The following CSMD3 variants were observed in gnomAD, a reference collection of about 807,000 sequenced individuals.
The protein encoded by CSMD3 is CUB and Sushi multiple domains 3, also known as CUB and sushi domain-containing protein 3.
Under a neutral mutation model 435.2 loss-of-function variants are expected in CSMD3, and 177 were observed. The ratio of observed to expected loss-of-function variants is 0.41; its 90% CI spans 0.36 to 0.46. CSMD3 has a LOEUF of 0.46. Ranked by LOEUF, CSMD3 falls within the 20% of genes least tolerant of loss-of-function variation. CSMD3 has a pLI of 0.34. For synonymous variants in CSMD3, 1,656 were observed against 1,520.5 expected, an observed-to-expected ratio of 1.09 and a Z score of -2.07; for missense variants, 4,265 against 4,504.6, an observed-to-expected ratio of 0.95 and a Z score of 1.52.
chr8:113,193,871 T>C (rs993401292), intron 3 of CSMD3, among the ~76,000 whole-genome samples: 4 of 151,448 alleles, frequency 2.6e-5, no homozygotes, highest in Admixed American at 1.3e-4. Context: ...AATGTGTACA[T>C]AGACAATATT....
At chr8:112,736,066 T>C (rs2077179967) in intron 13 of CSMD3, among the ~76,000 whole-genome samples, 1 of 152,046 alleles carries the variant, frequency 6.6e-6, no homozygotes, top group African/African-American at 2.4e-5. Flanking sequence ...GCCTAGTTCA[T>C]GTTTGGATGC....
At chr8:112,307,992 A>G (rs745631710) in intron 50 of CSMD3, among the ~76,000 whole-genome samples, 3 of 152,178 alleles carry the variant, frequency 2.0e-5, no homozygotes, top group Non-Finnish European at 4.4e-5. Flanking sequence ...ACCTTAGTGA[A>G]ATCTTTACAA....
chr8:113,398,869 A>G (rs1346421550), intron 1 of CSMD3, among the ~76,000 whole-genome samples: 2 of 151,754 alleles, frequency 1.3e-5, no homozygotes, highest in African/African-American at 2.4e-5. Context: ...CTTGGAAGCC[A>G]TGAAGAGTAA....
chr8:112,936,833 T>A (rs892737385), intron 9 of CSMD3, among the ~76,000 whole-genome samples: 2 of 152,176 alleles, frequency 1.3e-5, no homozygotes, highest in African/African-American at 4.8e-5. Flanking sequence ...TTGATCAAAA[T>A]TATTTCCTAA....
At chr8:112,685,288 T>A in intron 15 of CSMD3, 118 bp downstream of exon 15, 1 of 772,866 alleles carries the variant, frequency 1.3e-6, no homozygotes, top group Non-Finnish European at 2.1e-6. Flanking sequence ...ACAATGAGAT[T>A]TACAGCTTTT....
At chr8:112,399,464 C>T (rs1253097259) in intron 35 of CSMD3, among the ~76,000 whole-genome samples, 1 of 151,942 alleles carries the variant, frequency 6.6e-6, no homozygotes, top group Non-Finnish European at 1.5e-5. Context: ...TTCCCATTGG[C>T]CAGACTGGCT....
intron 3 of CSMD3, among the ~76,000 whole-genome samples, chr8:113,192,201 T>C (rs1249635092): frequency 1.3e-5 from 2 of 151,746 alleles, no homozygotes; most frequent in Non-Finnish European, 2.9e-5. Flanking sequence ...CAAGGCCCTG[T>C]GCTAATGTTG....
intron 5 of CSMD3, among the ~76,000 whole-genome samples, chr8:113,060,649 C>G (rs1469556099): frequency 6.6e-6 from 1 of 152,052 alleles, no homozygotes; most frequent in East Asian, 1.9e-4. Context: ...ATAAGACATA[C>G]TCTATTTTAC....
rs1157272687 is a variant in CSMD3, at chr8:113,314,787, A to G, written c.185T>C (p.Ile62Thr). Residue 62 changes from isoleucine (I) to threonine (T), a missense_variant, in exon 2 of 71, where the codon ATT becomes ACT. This residue lies in a region of CSMD3 where 731 missense variants were observed against 755.4 expected (regional missense o/e 0.97). Transcript: ENST00000297405. ...LLTVSCVKGF[I>T]YTCGGTLKGL... ...TTTTAAAGTTCCACCACATGTATAA[A>G]TAAATCCTGCAACAAAAGACAATAA... is the stretch of plus-strand genomic sequence containing the variant. 2 of 1,591,584 alleles carry G rather than the reference A, an allele frequency of 1.3e-6. No homozygotes were observed. Among genetic ancestry groups the G allele is most frequent in the South Asian group, 1.1e-5 (1 of 90,642 alleles).
chr8:113,224,797 T>A (rs2093008166), intron 3 of CSMD3, among the ~76,000 whole-genome samples: 1 of 103,280 alleles, frequency 9.7e-6, no homozygotes, highest in Admixed American at 9.4e-5. Flanking sequence ...TTGTGTAAAT[T>A]TTTTTTTTTA....
chr8:113,335,565 G>GTTT (rs1263100966), intron 1 of CSMD3, among the ~76,000 whole-genome samples: 2 of 98,122 alleles, frequency 2.0e-5, no homozygotes, highest in African/African-American at 4.5e-5. Context: ...TTTTTTTTGG[G>GTTT]TATTTACATG....
intron 13 of CSMD3, among the ~76,000 whole-genome samples, chr8:112,745,496 T>C (rs1228642936): frequency 1.3e-5 from 2 of 152,082 alleles, no homozygotes; most frequent in Non-Finnish European, 2.9e-5. Flanking sequence ...TTGGCTATGC[T>C]TTCTGTAAAA....
chr8:113,404,952 ATAAT>A (rs887903541), intron 1 of CSMD3, among the ~76,000 whole-genome samples: 1 of 151,572 alleles, frequency 6.6e-6, no homozygotes, highest in Non-Finnish European at 1.5e-5. Context: ...TCGTAGTTAT[ATAAT>A]TAAAACAAAA....
At chr8:112,379,549 T>A (rs138784995) in intron 38 of CSMD3, among the ~76,000 whole-genome samples, 233 of 152,078 alleles carry the variant, frequency 1.5e-3, no homozygotes, top group African/African-American at 5.2e-3. Flanking sequence ...TAGAAATACA[T>A]CCCATTTTAT....
At chr8:112,383,885 T>C (rs919981769) in intron 36 of CSMD3, among the ~76,000 whole-genome samples, 2 of 152,162 alleles carry the variant, frequency 1.3e-5, no homozygotes, top group Non-Finnish European at 2.9e-5. Context: ...CCAATGTTCA[T>C]TGTGGGTATA....
intron 27 of CSMD3, among the ~76,000 whole-genome samples, chr8:112,548,386 C>T (rs955899500): frequency 4.6e-5 from 7 of 152,022 alleles, no homozygotes; most frequent in Non-Finnish European, 1.0e-4. Context: ...GCTTTCTATT[C>T]CCCCTGGCAT....
intron 27 of CSMD3, among the ~76,000 whole-genome samples, chr8:112,527,165 T>G (rs1480224922): frequency 6.6e-6 from 1 of 151,496 alleles, no homozygotes; most frequent in Non-Finnish European, 1.5e-5. Context: ...GGGAGAGAGA[T>G]TTTCAAACAA....
At position 112,306,051 on chromosome 8, in the gene CSMD3, G is replaced by A. The variant is rs2130786733; in HGVS notation, c.8027C>T (p.Ser2676Leu). Residue 2676 changes from serine (S) to leucine (L), a missense_variant, in exon 51 of 71, where the codon TCA (serine) becomes TTA (leucine). Ser to Leu is a moderately radical substitution (Grantham distance 145). Around this residue, in one of 3 missense-constraint regions of CSMD3, gnomAD observed 3,255 missense variants for 3,380.2 expected, o/e 0.96. Transcript: ENST00000297405. ...GTTATGATTGCTCCATGTTCCATCT[G>A]ATTGGCATACAGCTGTAGTGAGTTC... ...SKELTTAVCQ[S>L]DGTWSNHNKT... The A allele has an allele frequency of 6.2e-7, 1 of 1,613,788 alleles. No homozygotes were observed. Among genetic ancestry groups the A allele is most frequent in the Non-Finnish European group, 8.5e-7 (1 of 1,179,816 alleles).
At chr8:113,043,359 A>T (rs915323519) in intron 5 of CSMD3, among the ~76,000 whole-genome samples, 3 of 152,086 alleles carry the variant, frequency 2.0e-5, no homozygotes, top group Non-Finnish European at 4.4e-5. Flanking sequence ...GTCTTCTGTT[A>T]TCTCCTCTTA....
Sources: allele counts gnomAD v4.1 joint callset (sites outside exome capture counted in the v4.1 genomes callset), GRCh38; gene constraint gnomAD v4.1.1; regional missense constraint gnomAD v4.1.1; transcripts MANE v1.5; gene names NCBI Gene and HGNC (gene_info 2026-07-23, HGNC 2026-07-21).